The following MEF2C variants were observed in gnomAD, a reference collection of about 807,000 sequenced individuals.
MEF2C encodes the protein myocyte enhancer factor 2C, also known as myocyte-specific enhancer factor 2C.
A neutral mutation model predicts 50.5 loss-of-function variants in MEF2C; 6 were observed. The observed-to-expected ratio is 0.12, with a 90% CI of 0.07 to 0.23. MEF2C has a LOEUF of 0.23. Among genes scored for constraint, MEF2C ranks in the 10% least tolerant of loss-of-function variants. MEF2C has a pLI of 1.00. For synonymous variants in MEF2C, 183 were observed against 228.0 expected (o/e 0.80, Z 1.78); for missense variants, 276 against 605.0 (o/e 0.46, Z 5.70).
upstream of MEF2C, chr5:88,888,029 C>T (rs1834177732): frequency 6.6e-6 from 1 of 152,176 alleles, no homozygotes; most frequent in South Asian, 2.1e-4. Flanking sequence ...CACAATTTGT[C>T]AAATCGGGAA....
intron 1 of MEF2C, chr5:88,824,914 G>T (rs1810150088): frequency 6.6e-6 from 1 of 151,882 alleles, no homozygotes; most frequent in African/African-American, 2.4e-5. Flanking sequence ...GAAAATATTT[G>T]AACACAACGG....
At chr5:88,787,175 CTTAAT>C (rs773665036) in intron 3 of MEF2C, among the ~76,000 whole-genome samples, 230 of 152,206 alleles carry the variant, frequency 1.5e-3, no homozygotes, top group Non-Finnish European at 1.3e-3. Flanking sequence ...GTTAGATCTT[CTTAAT>C]TTATGTAAAA....
chr5:88,867,476 C>A (rs983728968), intron 1 of MEF2C, among the ~76,000 whole-genome samples: 1 of 152,128 alleles, frequency 6.6e-6, no homozygotes, highest in African/African-American at 2.4e-5. Context: ...GGGATAGTAA[C>A]TGCACCTACC....
At chr5:88,792,901 G>A (rs543816182) in intron 3 of MEF2C, among the ~76,000 whole-genome samples, 5 of 152,076 alleles carry the variant, frequency 3.3e-5, no homozygotes, top group African/African-American at 7.2e-5. Context: ...AATGTGCAAC[G>A]TTATGCCACA....
chr5:88,769,290 T>G (rs1381712378), intron 3 of MEF2C, among the ~76,000 whole-genome samples: 1 of 152,196 alleles, frequency 6.6e-6, no homozygotes, highest in African/African-American at 2.4e-5. Context: ...TCTCCTGGGC[T>G]TTTACATTGG....
At chr5:88,828,842 C>T (rs375013127) in intron 1 of MEF2C, among the ~76,000 whole-genome samples, 3 of 152,064 alleles carry the variant, frequency 2.0e-5, no homozygotes, top group African/African-American at 2.4e-5. Flanking sequence ...CCTATTGATG[C>T]TCGACTGCGT....
intron 3 of MEF2C, among the ~76,000 whole-genome samples, chr5:88,796,101 T>G (rs1158785454): frequency 6.6e-6 from 1 of 152,194 alleles, no homozygotes. Context: ...TGAAATTTTC[T>G]TTTTTTGTTG....
chr5:88,799,862 TCTCTCTCTCACACACACACACA>T (rs1016188738), intron 3 of MEF2C, among the ~76,000 whole-genome samples: 1 of 120,474 alleles, frequency 8.3e-6, no homozygotes, highest in African/African-American at 3.2e-5. Flanking sequence ...TCTCTCTCTC[TCTCTCTCTCACACACACACACA>T]CACACACACA....
At chr5:88,852,219 A>T (rs1821621112) in intron 1 of MEF2C, among the ~76,000 whole-genome samples, 1 of 152,176 alleles carries the variant, frequency 6.6e-6, no homozygotes, top group Non-Finnish European at 1.5e-5. Flanking sequence ...TCCTTTAACT[A>T]AATACTTTAA....
At chr5:88,795,150 T>C (rs1284810303) in intron 3 of MEF2C, among the ~76,000 whole-genome samples, 1 of 152,124 alleles carries the variant, frequency 6.6e-6, no homozygotes, top group Non-Finnish European at 1.5e-5. Flanking sequence ...CCATATGAAA[T>C]TTAAAGTAGT....
At chr5:88,854,149 G>C (rs1822398602) in intron 1 of MEF2C, among the ~76,000 whole-genome samples, 1 of 152,146 alleles carries the variant, frequency 6.6e-6, no homozygotes, top group Non-Finnish European at 1.5e-5. Context: ...TGAGACCAAA[G>C]CTTTAATCTA....
At chr5:88,780,994 C>G in intron 3 of MEF2C, 3 of 957,892 alleles carry the variant, frequency 3.1e-6, no homozygotes, top group East Asian at 1.2e-4. Flanking sequence ...TTGGGCAAGC[C>G]CCTCTATTTG....
At chr5:88,800,997 A>G (rs1046344813) in intron 3 of MEF2C, among the ~76,000 whole-genome samples, 2 of 152,210 alleles carry the variant, frequency 1.3e-5, no homozygotes, top group Non-Finnish European at 2.9e-5. Context: ...TTATCAAGCA[A>G]AGACATGATA....
intron 1 of MEF2C, among the ~76,000 whole-genome samples, chr5:88,857,784 G>A (rs1824000368): frequency 6.6e-6 from 1 of 152,236 alleles, no homozygotes; most frequent in African/African-American, 2.4e-5. Flanking sequence ...CCCCAGCCAT[G>A]TGAAACTGTG....
chr5:88,771,408 G>A, intron 3 of MEF2C: 1 of 984,172 alleles, frequency 1.0e-6, no homozygotes, highest in Middle Eastern at 5.2e-4. Context: ...ATTACCTAAT[G>A]CCCTCACTTA....
chr5:88,761,685 A>C (rs1777919462), intron 3 of MEF2C: 1 of 194,476 alleles, frequency 5.1e-6, no homozygotes, highest in Admixed American at 5.7e-5. Context: ...CAGAAAAATC[A>C]GAAATCAGGA....
intron 6 of MEF2C, chr5:88,742,120 G>A (rs946734610): frequency 1.3e-5 from 13 of 985,274 alleles, no homozygotes; most frequent in Middle Eastern, 1.0e-3. Context: ...GAAGCACCGA[G>A]TGAGAAAGTC....
At chr5:88,749,813 G>A (rs1370162316) in intron 5 of MEF2C, among the ~76,000 whole-genome samples, 2 of 152,128 alleles carry the variant, frequency 1.3e-5, no homozygotes, top group Non-Finnish European at 2.9e-5. Flanking sequence ...GGCGGATCAC[G>A]AGGTCAGGAG....
chr5:88,757,919 A>C (rs1287977950), intron 4 of MEF2C, among the ~76,000 whole-genome samples: 2 of 152,080 alleles, frequency 1.3e-5, no homozygotes, highest in Non-Finnish European at 2.9e-5. Context: ...CCGTCTCAAA[A>C]AATAAAAAAT....
Sources: gnomAD v4.1 joint callset for allele counts (sites outside exome capture counted in the v4.1 genomes callset) on GRCh38, gnomAD v4.1.1 for gene constraint, MANE v1.5 for transcripts, NCBI Gene and HGNC (gene_info 2026-07-23, HGNC 2026-07-21) for gene names.